The following MYO16 variants were observed in gnomAD, a reference collection of about 807,000 sequenced individuals.
The protein encoded by MYO16 is myosin XVI.
MYO16 carries 94 observed loss-of-function variants against 205.3 expected under a neutral mutation model. That is an observed-to-expected ratio of 0.46 (90% CI 0.39 to 0.54). The LOEUF is 0.54. Ranked by LOEUF, MYO16 falls within the 20% of genes least tolerant of loss-of-function variation. The pLI is 0.00. For synonymous variants in MYO16, 988 were observed against 954.0 expected (o/e 1.04, Z -0.66); for missense variants, 2,315 against 2,387.5 (o/e 0.97, Z 0.63).
chr13:108,563,705 G>T, the MYO16 span, among the ~76,000 whole-genome samples: 1 of 152,070 alleles, frequency 6.6e-6, no homozygotes, highest in African/African-American at 2.4e-5. Flanking sequence ...GTACTCCATT[G>T]TTTATAAGTA....
chr13:108,824,935 A>G (rs1876172934), intron 9 of MYO16, among the ~76,000 whole-genome samples: 1 of 152,118 alleles, frequency 6.6e-6, no homozygotes, highest in Admixed American at 6.6e-5. Context: ...CTCACAGAGA[A>G]AAGCTAATAT....
chr13:108,830,646 A>C (rs1039375045), intron 9 of MYO16, among the ~76,000 whole-genome samples: 1 of 148,934 alleles, frequency 6.7e-6, no homozygotes, highest in Non-Finnish European at 1.5e-5. Flanking sequence ...GTATTGGGAG[A>C]TATACCTAAT....
intron 23 of MYO16, among the ~76,000 whole-genome samples, chr13:109,044,561 T>TTA (rs1045288856): frequency 5.3e-5 from 8 of 152,080 alleles, no homozygotes; most frequent in African/African-American, 1.9e-4. Flanking sequence ...ATCATACCTG[T>TTA]TATATAGTAT....
intron 14 of MYO16, among the ~76,000 whole-genome samples, chr13:108,891,036 T>C (rs1880146110): frequency 6.6e-6 from 1 of 152,188 alleles, no homozygotes; most frequent in Non-Finnish European, 1.5e-5. Flanking sequence ...CCCAACAGCA[T>C]GGTAGGAGCT....
intron 3 of MYO16, among the ~76,000 whole-genome samples, chr13:108,719,916 A>T (rs1240400965): frequency 6.6e-6 from 1 of 152,202 alleles, no homozygotes; most frequent in Non-Finnish European, 1.5e-5. Context: ...TAGAGAATTT[A>T]AAATGCAGCA....
At chr13:108,820,645 G>A (rs911620351) in intron 8 of MYO16, among the ~76,000 whole-genome samples, 1 of 152,116 alleles carries the variant, frequency 6.6e-6, no homozygotes, top group Non-Finnish European at 1.5e-5. Context: ...ACACTGTACT[G>A]TTGTACTTTG....
intron 16 of MYO16, among the ~76,000 whole-genome samples, chr13:108,920,167 G>C (rs1881674743): frequency 6.6e-6 from 1 of 152,120 alleles, no homozygotes; most frequent in Admixed American, 6.5e-5. Flanking sequence ...TACGTTGAAG[G>C]ACCACGACGC....
chr13:108,524,607 G>A, the MYO16 span, among the ~76,000 whole-genome samples: 62 of 152,282 alleles, frequency 4.1e-4, no homozygotes, highest in African/African-American at 1.3e-3. Flanking sequence ...ACAAGTGTGT[G>A]CGTGTGCTTT....
intron 1 of MYO16, among the ~76,000 whole-genome samples, chr13:108,619,897 AAGGCCTGTGCT>A (rs1879479585): frequency 6.6e-6 from 1 of 152,092 alleles, no homozygotes; most frequent in Admixed American, 6.5e-5. Context: ...AGACAGAAGA[AAGGCCTGTGCT>A]AGGAGTTGAA....
At chr13:108,795,674 C>G (rs189307011) in intron 6 of MYO16, among the ~76,000 whole-genome samples, 4 of 152,234 alleles carry the variant, frequency 2.6e-5, no homozygotes, top group Admixed American at 6.5e-5. Flanking sequence ...ATGGCAAAAG[C>G]ATTCTAAATT....
chr13:108,870,465 TTC>T (rs1878996567), intron 12 of MYO16, among the ~76,000 whole-genome samples: 1 of 152,088 alleles, frequency 6.6e-6, no homozygotes, highest in Non-Finnish European at 1.5e-5. Flanking sequence ...TTGGTGGTGT[TTC>T]TCTCTTAAAT....
At chr13:108,542,039 T>A in the MYO16 span, among the ~76,000 whole-genome samples, 3 of 152,078 alleles carry the variant, frequency 2.0e-5, no homozygotes, top group African/African-American at 7.2e-5. Context: ...CTATTGACAA[T>A]AGCAAAGACA....
intron 27 of MYO16, among the ~76,000 whole-genome samples, chr13:109,065,900 G>A (rs1003653026): frequency 1.2e-4 from 18 of 152,194 alleles, no homozygotes; most frequent in Admixed American, 1.2e-3. Context: ...ATTTAATGAG[G>A]AGAACTTATT....
chr13:108,713,001 G>A lies in MYO16; in HGVS notation c.363+270G>A, dbSNP rs1236225168. Among the ~76,000 whole-genome samples, 3 of 152,172 alleles carry A rather than the reference G, an allele frequency of 2.0e-5. No homozygotes were observed. The East Asian group carries it at 5.8e-4, about 29-fold the overall frequency. ...AAAATAATATTGTATCAATTATACA[G>A]TATTAGGCAATCATCCTTTCTTTTT... On this transcript the variant is annotated intron_variant, in intron 3 of 34. Transcript: ENST00000457511.
At chr13:108,874,174 A>G (rs1879210502) in intron 12 of MYO16, among the ~76,000 whole-genome samples, 1 of 151,876 alleles carries the variant, frequency 6.6e-6, no homozygotes, top group African/African-American at 2.4e-5. Flanking sequence ...TGGCAAGTCA[A>G]GAGGTTAGAA....
chr13:108,692,490 T>C (rs937511075), intron 2 of MYO16, among the ~76,000 whole-genome samples: 1 of 152,192 alleles, frequency 6.6e-6, no homozygotes, highest in Non-Finnish European at 1.5e-5. Context: ...CTCTGACAGA[T>C]AGATTGCTCC....
At chr13:108,865,853 CAT>C (rs1238150474) in intron 11 of MYO16, among the ~76,000 whole-genome samples, 5 of 151,888 alleles carry the variant, frequency 3.3e-5, no homozygotes, top group Non-Finnish European at 5.9e-5. Context: ...GGCATTTTGT[CAT>C]ATGTTTTAAG....
At chr13:109,085,575 A>G (rs1888414534) in intron 27 of MYO16, among the ~76,000 whole-genome samples, 1 of 152,202 alleles carries the variant, frequency 6.6e-6, no homozygotes, top group Non-Finnish European at 1.5e-5. Flanking sequence ...TTCAATACAT[A>G]GGTGTGAAGG....
chr13:108,544,921 A>G, the MYO16 span, among the ~76,000 whole-genome samples: 7 of 152,220 alleles, frequency 4.6e-5, no homozygotes, highest in Non-Finnish European at 8.8e-5. Context: ...ATGCTGCTGC[A>G]AATGATAGAA....
Sources: allele counts gnomAD v4.1 joint callset (sites outside exome capture counted in the v4.1 genomes callset), GRCh38; gene constraint gnomAD v4.1.1; transcripts MANE v1.5; gene names NCBI Gene and HGNC (gene_info 2026-07-23, HGNC 2026-07-21).